Variants in IFT52 observed in about 807,000 individuals in gnomAD.
IFT52 encodes the protein intraflagellar transport protein 52 homolog.
A neutral mutation model predicts 54.4 loss-of-function variants in IFT52; 44 were observed. The ratio of observed to expected loss-of-function variants is 0.81; its 90% CI spans 0.63 to 1.04. IFT52 has a LOEUF of 1.04. Ranked by LOEUF, IFT52 falls within the 50% of genes least tolerant of loss-of-function variation. The probability of loss-of-function intolerance (pLI) is 0.00; values close to 1 mark genes in which losing one functional copy is unlikely to be tolerated. For missense variants in IFT52, 452 were observed against 523.6 expected, an observed-to-expected ratio of 0.86 and a Z score of 1.33; for synonymous variants, 181 against 185.3, an observed-to-expected ratio of 0.98 and a Z score of 0.19.
chr20:43,626,387 C>T (rs2145646943), intron 10 of IFT52, among the ~76,000 whole-genome samples: 1 of 152,026 alleles, frequency 6.6e-6, no homozygotes, highest in African/African-American at 2.4e-5. Flanking sequence ...CCTGAGCCTC[C>T]TGAGTAGCAC....
intron 13 of IFT52, among the ~76,000 whole-genome samples, chr20:43,643,177 A>C (rs1420532018): frequency 2.7e-5 from 4 of 149,602 alleles, no homozygotes; most frequent in East Asian, 2.0e-4. Context: ...AAAAAAACAA[A>C]AAAACAAAAC....
chr20:43,607,292 C>T lies in IFT52; in HGVS notation c.485+2219C>T, dbSNP rs544686147. On this transcript the variant is annotated intron_variant, in intron 6 of 13. Coordinates refer to ENST00000373030, the MANE Select transcript of IFT52 (RefSeq NM_016004.5). ...CCCCCCACCTCCCTCCCGGACGGGG[C>T]GGCTGGCCTGGCGGGGGCTGACCCC... Among the ~76,000 whole-genome samples, 7 of 149,000 alleles carry T rather than the reference C, an allele frequency of 4.7e-5. No individual in the cohort carries two copies. In the South Asian group the frequency reaches 1.3e-3, roughly 27 times the overall value.
At chr20:43,637,063 T>C in intron 11 of IFT52, 82 bp from the exon 12 acceptor site, 1 of 955,728 alleles carries the variant, frequency 1.0e-6, no homozygotes. Context: ...GTTATGATTT[T>C]GGACAAGCTC....
Position 43,623,986 on chromosome 20 carries a change from C to A in IFT52, c.864C>A (p.Thr288=). 2 of 1,614,092 alleles carry A rather than the reference C, an allele frequency of 1.2e-6. No homozygotes were observed. The highest frequency in any genetic ancestry group is 1.3e-5 in the African/African-American group (1 of 75,016). The change falls in exon 10 of 14, where the codon ACC becomes ACA. Residue 288 remains threonine (T), a synonymous_variant. Coordinates refer to ENST00000373030, the MANE Select transcript of IFT52 (RefSeq NM_016004.5). ...QESDEIPRDF[T]TLFDLSIFQL... is the part of the protein sequence containing the mutation. ...GTGATGAGATCCCAAGGGACTTTAC[C>A]ACCCTCTTCGACCTGTCCATCTTCC...
chr20:43,606,041 C>G (rs1375292515), intron 6 of IFT52, among the ~76,000 whole-genome samples: 1 of 151,870 alleles, frequency 6.6e-6, no homozygotes, highest in African/African-American at 2.4e-5. Context: ...GCTAACATGG[C>G]GAAACCCCGT....
At chr20:43,618,813 G>T (rs1396775503) in intron 7 of IFT52, 127 bp from the exon 8 acceptor site, 3 of 632,128 alleles carry the variant, frequency 4.7e-6, no homozygotes, top group Non-Finnish European at 8.4e-6. Context: ...TTTAAAATCT[G>T]GGTGTGAATT....
intron 6 of IFT52, among the ~76,000 whole-genome samples, chr20:43,612,643 G>A (rs529336552): frequency 1.3e-5 from 2 of 152,108 alleles, no homozygotes; most frequent in East Asian, 1.9e-4. Context: ...AGTGAGCCAT[G>A]TTCATACCAC....
intron 8 of IFT52, among the ~76,000 whole-genome samples, chr20:43,620,079 G>A (rs1416870828): frequency 1.3e-5 from 2 of 151,658 alleles, no homozygotes; most frequent in African/African-American, 4.8e-5. Context: ...ACCACACCAG[G>A]CTAATTTTTG....
At chr20:43,629,568 G>A (rs1199519129) in intron 10 of IFT52, among the ~76,000 whole-genome samples, 3 of 152,064 alleles carry the variant, frequency 2.0e-5, no homozygotes, top group Non-Finnish European at 2.9e-5. Context: ...CACCGAGCCC[G>A]GCCCCAACTT....
chr20:43,617,805 C>T (rs748705612), intron 7 of IFT52, among the ~76,000 whole-genome samples: 20 of 151,442 alleles, frequency 1.3e-4, no homozygotes, highest in Non-Finnish European at 1.9e-4. Flanking sequence ...TGCAGTGGCG[C>T]GATCTCAGCT....
chr20:43,626,022 GAAAAAAAAA>G (rs11403788), intron 10 of IFT52, among the ~76,000 whole-genome samples: 1 of 96,688 alleles, frequency 1.0e-5, no homozygotes, highest in African/African-American at 4.0e-5. Context: ...CTTGTCTCCG[GAAAAAAAAA>G]AAAAAAAAAA....
chr20:43,624,254 C>T (rs1418421360), intron 10 of IFT52: 6 of 571,562 alleles, frequency 1.0e-5, no homozygotes, highest in Non-Finnish European at 1.8e-5. Context: ...CCTGCGTGTT[C>T]CAGATTCTGG....
intron 7 of IFT52, among the ~76,000 whole-genome samples, chr20:43,615,819 G>A (rs1983815115): frequency 6.6e-6 from 1 of 152,128 alleles, no homozygotes; most frequent in African/African-American, 2.4e-5. Flanking sequence ...GCACGCGCCT[G>A]TAATCCCAGC....
chr20:43,629,438 A>C (rs996662962), intron 10 of IFT52, among the ~76,000 whole-genome samples: 2 of 152,044 alleles, frequency 1.3e-5, no homozygotes, highest in African/African-American at 2.4e-5. Flanking sequence ...ACATCCAGCT[A>C]ATGTTTTGTA....
At chr20:43,626,236 G>A (rs1031617599) in intron 10 of IFT52, among the ~76,000 whole-genome samples, 1 of 150,776 alleles carries the variant, frequency 6.6e-6, no homozygotes, top group African/African-American at 2.4e-5. Context: ...GGGCACATCT[G>A]TACTTCATCT....
chr20:43,600,162 A>G (rs1374019358), intron 3 of IFT52, among the ~76,000 whole-genome samples: 2 of 152,206 alleles, frequency 1.3e-5, no homozygotes, highest in Admixed American at 6.5e-5. Flanking sequence ...TAAATGTTTA[A>G]TAAGTATGTA....
At chr20:43,619,510 G>A (rs950721493) in intron 8 of IFT52, among the ~76,000 whole-genome samples, 1 of 152,096 alleles carries the variant, frequency 6.6e-6, no homozygotes, top group African/African-American at 2.4e-5. Context: ...AAAGGAGGAG[G>A]CAGCCTAGAG....
chr20:43,622,589 C>T (rs957867571), intron 9 of IFT52, among the ~76,000 whole-genome samples: 7 of 149,806 alleles, frequency 4.7e-5, no homozygotes, highest in Admixed American at 2.7e-4. Context: ...GGCGACAGAG[C>T]GAGACTCGTC....
At chr20:43,624,582 G>A (rs909059107) in intron 10 of IFT52, among the ~76,000 whole-genome samples, 2 of 152,178 alleles carry the variant, frequency 1.3e-5, no homozygotes, top group African/African-American at 2.4e-5. Flanking sequence ...GAGGACATCA[G>A]GGACAGCACA....
Sources: gnomAD v4.1 joint callset for allele counts (sites outside exome capture counted in the v4.1 genomes callset) on GRCh38, gnomAD v4.1.1 for gene constraint, MANE v1.5 for transcripts, NCBI Gene and HGNC (gene_info 2026-07-23, HGNC 2026-07-21) for gene names.